Variants in KLF9 observed in about 807,000 individuals in gnomAD.
KLF9 encodes the protein KLF transcription factor 9, also known as Krueppel-like factor 9.
In KLF9, 2 loss-of-function variants were observed where a neutral mutation model predicts 17.3. The ratio of observed to expected loss-of-function variants is 0.12; its 90% CI spans 0.05 to 0.36. The LOEUF (loss-of-function observed/expected upper bound fraction) is 0.36. Ranked by LOEUF, KLF9 falls within the 10% of genes least tolerant of loss-of-function variation. The pLI is 1.00. For synonymous variants in KLF9, 138 were observed against 139.2 expected (o/e 0.99, Z 0.06); for missense variants, 226 against 333.2 (o/e 0.68, Z 2.51).
intron 1 of KLF9, among the ~76,000 whole-genome samples, chr9:70,393,192 C>A (rs2037162792): frequency 1.3e-5 from 2 of 152,208 alleles, no homozygotes; most frequent in African/African-American, 4.8e-5. Flanking sequence ...CTCCAGAATT[C>A]TCCTGGGCCT....
chr9:70,399,302 T>C (rs1411309148), intron 1 of KLF9, among the ~76,000 whole-genome samples: 1 of 152,174 alleles, frequency 6.6e-6, no homozygotes, highest in Non-Finnish European at 1.5e-5. Context: ...TAGAGGTGGA[T>C]GAAATCTTAG....
intron 1 of KLF9, among the ~76,000 whole-genome samples, chr9:70,403,037 C>T (rs1156493790): frequency 6.6e-6 from 1 of 152,114 alleles, no homozygotes; most frequent in African/African-American, 2.4e-5. Flanking sequence ...GTAATCCCAG[C>T]TATTCGGGAG....
chr9:70,404,985 ATTCCAG>A (rs2037246803), intron 1 of KLF9, among the ~76,000 whole-genome samples: 1 of 152,130 alleles, frequency 6.6e-6, no homozygotes, highest in Non-Finnish European at 1.5e-5. Flanking sequence ...GCCCCCTCAC[ATTCCAG>A]TTCCTCAGTT....
In KLF9 at chr9:70,387,991, G is replaced by C. The variant is rs1438843898; in HGVS notation, c.520C>G (p.Pro174Ala). 6.2e-7 allele frequency: 1 copy of C among 1,613,598 alleles called. No homozygotes were observed. The change falls in exon 2 of 2, where the codon CCC becomes GCC. Residue 174 changes from proline (P) to alanine (A), a missense_variant. Transcript: ENST00000377126. The part of the protein sequence containing the change: ...YRVHTGERPF[P>A]CTWPDCLKKF... ...TTAAGGCAGTCTGGCCACGTGCAGG[G>C]AAAGGGCCGTTCACCTAAGAGAAAG... is the stretch of plus-strand genomic sequence containing the variant.
At chr9:70,390,139 G>T (rs777206588) in intron 1 of KLF9, among the ~76,000 whole-genome samples, 3 of 152,190 alleles carry the variant, frequency 2.0e-5, no homozygotes, top group Non-Finnish European at 2.9e-5. Context: ...GCTCTCTGCT[G>T]TTTTCTAAGC....
intron 1 of KLF9, among the ~76,000 whole-genome samples, chr9:70,390,677 G>C (rs963184994): frequency 6.0e-5 from 9 of 150,684 alleles, no homozygotes; most frequent in African/African-American, 1.5e-4. Context: ...TCTCTCTCTC[G>C]TCCTCCTCCT....
chr9:70,406,981 G>A (rs1055700096), intron 1 of KLF9, among the ~76,000 whole-genome samples: 12 of 149,988 alleles, frequency 8.0e-5, no homozygotes, highest in African/African-American at 2.9e-4. Flanking sequence ...AATGAAGAAT[G>A]CTAATGATCA....
At chr9:70,404,754 A>C (rs1341228544) in intron 1 of KLF9, among the ~76,000 whole-genome samples, 1 of 152,224 alleles carries the variant, frequency 6.6e-6, no homozygotes, top group Non-Finnish European at 1.5e-5. Flanking sequence ...GTGCTAAATG[A>C]TTTAAACACC....
At position 70,393,910 on chromosome 9, in the gene KLF9, T is replaced by C. The variant is rs2037166421; in HGVS notation, c.506-5905A>G. ...AGTGGTGCTTGCCTGTGGTCCCAGATACTTGGGAGGCTGAGGCGGGAAGAT... is the reference window on the plus strand; with the variant it reads ...AGTGGTGCTTGCCTGTGGTCCCAGACACTTGGGAGGCTGAGGCGGGAAGAT... On this transcript the variant is annotated intron_variant, in intron 1 of 1. Coordinates refer to ENST00000377126, the MANE Select transcript of KLF9 (RefSeq NM_001206.4). Among the ~76,000 whole-genome samples the C allele has an allele frequency of 1.3e-5, 2 of 151,560 alleles. 1 individual carries two copies. The highest frequency in any genetic ancestry group is 4.2e-4 in the South Asian group (2 of 4,818).
Position 70,401,686 on chromosome 9 carries a change from C to CAAA in KLF9, c.505+11170_505+11172dup, listed in dbSNP as rs34988097. Among the ~76,000 whole-genome samples, 241 of 66,472 alleles carry CAAA rather than the reference C, an allele frequency of 3.6e-3. 7 individuals are homozygous for CAAA. The highest frequency in any genetic ancestry group is 0.012 in the African/African-American group (221 of 18,990). 43.6% of individuals were successfully genotyped at this position (66,472 alleles called of 152,430 possible). A position where few individuals can be genotyped will look rare whatever the true frequency, so the allele number is the denominator to read the frequency against. ...TGGGCAACAGAGCAAGACTCCTTCA[C>CAAA]AAAAAAAAAAAAAAAAAAAGAAAAG... is the stretch of plus-strand genomic sequence containing the variant. On this transcript the variant is annotated intron_variant, in intron 1 of 1. Transcript: ENST00000377126.
intron 1 of KLF9, among the ~76,000 whole-genome samples, chr9:70,399,684 G>T (rs1234436661): frequency 6.6e-6 from 1 of 152,152 alleles, no homozygotes; most frequent in African/African-American, 2.4e-5. Flanking sequence ...GTTTCAAATT[G>T]CTCCTTCAGT....
At chr9:70,401,189 AT>A (rs200019409) in intron 1 of KLF9, among the ~76,000 whole-genome samples, 67 of 138,686 alleles carry the variant, frequency 4.8e-4, no homozygotes, top group Middle Eastern at 3.8e-3. Flanking sequence ...AAAAAAAAAA[AT>A]TTTTTAAATT....
At chr9:70,401,686 C>CAAAAAAAAA (rs34988097) in intron 1 of KLF9, among the ~76,000 whole-genome samples, 4 of 66,462 alleles carry the variant, frequency 6.0e-5, no homozygotes, top group Admixed American at 2.0e-4. Context: ...GACTCCTTCA[C>CAAAAAAAAA]AAAAAAAAAA....
In KLF9 at chr9:70,387,851, C is replaced by T; in HGVS notation, c.660G>A (p.Lys220=). The T allele has an allele frequency of 6.2e-7, 1 of 1,613,012 alleles. No individual in the cohort carries two copies. ...KRFMRSDHLT[K]HARRHTEFHP... is the part of the protein sequence containing the mutation. ...GGAACTCGGTGTGCCGCCGGGCGTG[C>T]TTTGTGAGGTGGTCACTCCTCATGA... Residue 220 remains lysine (K), a synonymous_variant, in exon 2 of 2, where the codon AAG becomes AAA. Coordinates refer to ENST00000377126, the MANE Select transcript of KLF9 (RefSeq NM_001206.4).
chr9:70,409,881 A>G (rs909486784), intron 1 of KLF9, among the ~76,000 whole-genome samples: 1 of 152,240 alleles, frequency 6.6e-6, no homozygotes, highest in Admixed American at 6.5e-5. Flanking sequence ...CTTAAAAATA[A>G]GTTTATCCAG....
chr9:70,399,384 C>T (rs544398369), intron 1 of KLF9, among the ~76,000 whole-genome samples: 8 of 152,216 alleles, frequency 5.3e-5, no homozygotes, highest in Non-Finnish European at 1.2e-4. Context: ...AAAGACCAGA[C>T]CCTGGCCCAG....
At chr9:70,405,273 G>A (rs73649116) in intron 1 of KLF9, among the ~76,000 whole-genome samples, 3,929 of 152,280 alleles carry the variant, frequency 0.026, 98 homozygotes, top group African/African-American at 0.065. Flanking sequence ...CAAGGACGGA[G>A]GCTCAGCTTG....
rs2037294898 is a variant in KLF9, at chr9:70,409,489, G to A, written c.505+3370C>T. Among the ~76,000 whole-genome samples the A allele has an allele frequency of 2.6e-5, 4 of 151,884 alleles. No homozygotes were observed. In the South Asian group the frequency reaches 6.2e-4, roughly 24 times the overall value. The stretch of plus-strand genomic sequence containing the variant: ...ATGACTTCCGAGCTGGAATTAGAAT[G>A]TAGTTGTTTCCTTATAACACTGCCT... On this transcript the variant is annotated intron_variant, in intron 1 of 1. Coordinates refer to ENST00000377126, the MANE Select transcript of KLF9 (RefSeq NM_001206.4).
intron 1 of KLF9, among the ~76,000 whole-genome samples, chr9:70,406,899 GA>G (rs59573357): frequency 0.34 from 48,212 of 142,412 alleles, 9,245 homozygotes; most frequent in Non-Finnish European, 0.43. Flanking sequence ...GAGAGAGAGA[GA>G]AAAAAAAAAA....
Sources: allele counts gnomAD v4.1 joint callset (sites outside exome capture counted in the v4.1 genomes callset), GRCh38; gene constraint gnomAD v4.1.1; transcripts MANE v1.5; gene names NCBI Gene and HGNC (gene_info 2026-07-23, HGNC 2026-07-21).